Variants in CPNE8 observed in about 807,000 individuals in gnomAD.
CPNE8 encodes the protein copine-8.
Under a neutral mutation model 81.5 loss-of-function variants are expected in CPNE8, and 45 were observed. The ratio of observed to expected loss-of-function variants is 0.55; its 90% CI spans 0.44 to 0.71. The LOEUF is 0.71. CPNE8 is among the 30% of genes least tolerant of loss of function. The pLI, the probability that CPNE8 is intolerant of heterozygous loss-of-function variation, is 0.00. For missense variants in CPNE8, 594 were observed against 672.1 expected, an observed-to-expected ratio of 0.88 and a Z score of 1.28; for synonymous variants, 252 against 226.3, an observed-to-expected ratio of 1.11 and a Z score of -1.02.
At chr12:38,772,719 A>T (rs535651444) in intron 7 of CPNE8, among the ~76,000 whole-genome samples, 2 of 152,296 alleles carry the variant, frequency 1.3e-5, no homozygotes, top group South Asian at 4.1e-4. Flanking sequence ...TTCCTCAAAA[A>T]TTAAAAGCAG....
chr12:38,749,426 C>G (rs1053921876), intron 10 of CPNE8, among the ~76,000 whole-genome samples: 1 of 151,902 alleles, frequency 6.6e-6, no homozygotes, highest in Non-Finnish European at 1.5e-5. Context: ...AATGTGGAAA[C>G]GACTTTGGAA....
At chr12:38,801,035 T>A (rs1481623798) in intron 6 of CPNE8, among the ~76,000 whole-genome samples, 1 of 149,756 alleles carries the variant, frequency 6.7e-6, no homozygotes, top group Non-Finnish European at 1.5e-5. Context: ...GTCTGATTGG[T>A]GTACCTGAAA....
chr12:38,689,524 C>A (rs1484389479), intron 15 of CPNE8, among the ~76,000 whole-genome samples: 2 of 152,150 alleles, frequency 1.3e-5, no homozygotes, highest in African/African-American at 4.8e-5. Context: ...AGAATTCTTC[C>A]TTTTATTCAA....
At chr12:38,714,770 A>C (rs1285927402) in intron 13 of CPNE8, among the ~76,000 whole-genome samples, 1 of 152,086 alleles carries the variant, frequency 6.6e-6, no homozygotes, top group East Asian at 1.9e-4. Context: ...CTGCAGCTAA[A>C]CACAATATTT....
intron 1 of CPNE8, among the ~76,000 whole-genome samples, chr12:38,878,858 T>C (rs1200865821): frequency 6.6e-6 from 1 of 152,200 alleles, no homozygotes; most frequent in Non-Finnish European, 1.5e-5. Context: ...TAAAGGTTTA[T>C]TTCAAGAAGG....
chr12:38,825,179 G>C (rs1186305626), intron 6 of CPNE8, among the ~76,000 whole-genome samples: 1 of 152,152 alleles, frequency 6.6e-6, no homozygotes. Context: ...AAACATGGAG[G>C]CTTCGAAGTT....
chr12:38,822,949 G>A (rs902743568), intron 6 of CPNE8, among the ~76,000 whole-genome samples: 4 of 152,082 alleles, frequency 2.6e-5, no homozygotes, highest in African/African-American at 9.7e-5. Context: ...TTCCCCCAAA[G>A]TTGATTACAT....
intron 4 of CPNE8, among the ~76,000 whole-genome samples, chr12:38,847,156 A>G (rs1943571303): frequency 6.6e-6 from 1 of 152,152 alleles, no homozygotes. Flanking sequence ...AAATGTCTAT[A>G]TCACTTAAAG....
chr12:38,701,133 C>T (rs1939932643), intron 14 of CPNE8, among the ~76,000 whole-genome samples: 1 of 152,100 alleles, frequency 6.6e-6, no homozygotes, highest in Non-Finnish European at 1.5e-5. Context: ...ATTAACCTCA[C>T]AAAATGAGCT....
At chr12:38,735,696 T>C (rs575857984) in intron 10 of CPNE8, among the ~76,000 whole-genome samples, 16 of 152,098 alleles carry the variant, frequency 1.1e-4, no homozygotes, top group African/African-American at 3.9e-4. Flanking sequence ...CCTGATAATC[T>C]AGTTTCTTAA....
chr12:38,663,617 A>T (rs577674170), intron 19 of CPNE8, among the ~76,000 whole-genome samples: 62 of 152,224 alleles, frequency 4.1e-4, no homozygotes, highest in African/African-American at 1.5e-3. Context: ...CAATCCCACT[A>T]CTGGGTATTT....
chr12:38,762,163 C>T lies in CPNE8; in HGVS notation c.629G>A (p.Trp210Ter). The change falls in exon 9 of 20, where the codon TGG becomes TAG. Residue 210 changes from tryptophan to a stop codon, truncating the protein, a stop_gained. Coordinates refer to ENST00000331366, the MANE Select transcript of CPNE8 (RefSeq NM_153634.3). LOFTEE classifies it high-confidence loss of function. Reference sequence around the variant, plus strand: ...TCTGACTGAGATCTTGAATGCTTGCCATACTGGATTTAGAGTGTTTTTGAC... The same window carrying T: ...TCTGACTGAGATCTTGAATGCTTGCTATACTGGATTTAGAGTGTTTTTGAC... ...EVVKNTLNPV[W>*]QAFKISVRAL... is the part of the protein sequence containing the mutation. 3 of 1,604,830 alleles carry T rather than the reference C, an allele frequency of 1.9e-6. No homozygotes were observed. The highest frequency in any genetic ancestry group is 2.6e-6 in the Non-Finnish European group (3 of 1,175,292).
Position 38,817,675 on chromosome 12 carries a change from G to T in CPNE8, c.407+11704C>A, listed in dbSNP as rs555781960. Among the ~76,000 whole-genome samples the T allele has an allele frequency of 2.9e-5, 4 of 138,276 alleles. No homozygotes were observed. In the East Asian group the frequency reaches 8.5e-4, roughly 29 times the overall value. The allele number at this position is 138,276 out of a possible 152,430, so 90.7% of individuals were successfully genotyped here. A position where few individuals can be genotyped will look rare whatever the true frequency, so the allele number is the denominator to read the frequency against. ...GTCTCGCTCTGTCTCCCAGGCTGGAGTGCAGTGGTTCGATCTCAGCTCACT... is the reference window on the plus strand; with the variant it reads ...GTCTCGCTCTGTCTCCCAGGCTGGATTGCAGTGGTTCGATCTCAGCTCACT... On this transcript the variant is annotated intron_variant, in intron 6 of 19. Coordinates refer to ENST00000331366, the MANE Select transcript of CPNE8 (RefSeq NM_153634.3).
At chr12:38,688,651 G>GTTTT (rs1352168774) in intron 15 of CPNE8, among the ~76,000 whole-genome samples, 3 of 151,712 alleles carry the variant, frequency 2.0e-5, no homozygotes, top group African/African-American at 7.3e-5. Context: ...ACCATAAAAA[G>GTTTT]GAATGGAATA....
chr12:38,840,514 C>G (rs1474715340), intron 4 of CPNE8, among the ~76,000 whole-genome samples: 3 of 152,118 alleles, frequency 2.0e-5, no homozygotes, highest in Non-Finnish European at 4.4e-5. Context: ...TTTACAACTT[C>G]ACGTGAATGA....
chr12:38,844,713 T>C (rs1165559980), intron 4 of CPNE8, among the ~76,000 whole-genome samples: 1 of 152,214 alleles, frequency 6.6e-6, no homozygotes, highest in Non-Finnish European at 1.5e-5. Context: ...TCTTTTTCTC[T>C]CACTGTCGTT....
chr12:38,684,406 T>C (rs1246233407), intron 16 of CPNE8, among the ~76,000 whole-genome samples: 1 of 152,106 alleles, frequency 6.6e-6, no homozygotes, highest in Non-Finnish European at 1.5e-5. Context: ...GGGTTGTGTA[T>C]GTACAGGGTT....
chr12:38,676,325 A>T (rs1319102453), intron 17 of CPNE8: 1 of 984,572 alleles, frequency 1.0e-6, no homozygotes, highest in Non-Finnish European at 1.2e-6. Flanking sequence ...GGAAATGACC[A>T]GCCCTGGGTA....
chr12:38,749,307 C>T (rs1379228487), intron 10 of CPNE8, among the ~76,000 whole-genome samples: 3 of 150,662 alleles, frequency 2.0e-5, no homozygotes, highest in Non-Finnish European at 4.4e-5. Flanking sequence ...AAACCTCTTT[C>T]TTTTGTAAAT....
Sources: allele counts gnomAD v4.1 joint callset (sites outside exome capture counted in the v4.1 genomes callset), GRCh38; gene constraint gnomAD v4.1.1; transcripts MANE v1.5; gene names NCBI Gene and HGNC (gene_info 2026-07-23, HGNC 2026-07-21).